The following RHD variants were observed in gnomAD, a reference collection of about 807,000 sequenced individuals.
RHD encodes the protein Rh blood group D antigen.
Under a neutral mutation model 45.5 loss-of-function variants are expected in RHD, and 16 were observed. The observed-to-expected ratio is 0.35, with a 90% CI of 0.24 to 0.53. The LOEUF is 0.53. Among genes scored for constraint, RHD ranks in the 20% least tolerant of loss-of-function variants. The pLI is 0.92. For synonymous variants in RHD, 131 were observed against 217.5 expected (o/e 0.60, Z 3.50); for missense variants, 306 against 532.0 (o/e 0.58, Z 4.18).
chr1:25,290,589 G>A lies in RHD; in HGVS notation c.336-52G>A, dbSNP rs528494492. 127 of 1,218,880 alleles carry A rather than the reference G, an allele frequency of 1.0e-4. 18 individuals are homozygous for A. The highest frequency in any genetic ancestry group is 9.9e-4 in the East Asian group (44 of 44,290). The allele number at this position is 1,218,880 out of a possible 1,614,324, so 75.5% of individuals were successfully genotyped here. On this transcript the variant is annotated intron_variant, in intron 2 of 9. Coordinates refer to ENST00000328664, the MANE Select transcript of RHD (RefSeq NM_016124.6). ...AATGAATGAATGAATGAATGAATGA[G>A]TGAGAGGCATCCTTCCTTCTCAGTC...
At chr1:25,311,524 C>G (rs1376068750) in intron 7 of RHD, among the ~76,000 whole-genome samples, 2 of 125,894 alleles carry the variant, frequency 1.6e-5, no homozygotes, top group East Asian at 4.0e-4. Flanking sequence ...AACTCCGTCT[C>G]AAAAAGAAAA....
At chr1:25,281,769 G>A (rs1454118639) in intron 1 of RHD, among the ~76,000 whole-genome samples, 2 of 131,576 alleles carry the variant, frequency 1.5e-5, no homozygotes, top group Admixed American at 7.4e-5. Context: ...TCTCACCCAC[G>A]CCCCAAATCC....
Position 25,301,506 on chromosome 1 carries a change from T to C in RHD, c.635-14T>C. Reference sequence around the variant, plus strand: ...GGAGTGTGATTCTGGCCAACCACCCTCTCTGGCCCCCAGGCGCCCTCTTCT... The same window carrying C: ...GGAGTGTGATTCTGGCCAACCACCCCCTCTGGCCCCCAGGCGCCCTCTTCT... On this transcript the variant is annotated splice_polypyrimidine_tract_variant and intron_variant, in intron 4 of 9. Coordinates refer to ENST00000328664, the MANE Select transcript of RHD (RefSeq NM_016124.6). 7.3e-7 allele frequency: 1 copy of C among 1,377,334 alleles called. No homozygotes were observed. The highest frequency in any genetic ancestry group is 1.8e-5 in the Admixed American group (1 of 56,186). The allele number at this position is 1,377,334 out of a possible 1,614,324, so 85.3% of individuals were successfully genotyped here. A position where few individuals can be genotyped will look rare whatever the true frequency, so the allele number is the denominator to read the frequency against.
intron 2 of RHD, among the ~76,000 whole-genome samples, chr1:25,285,621 G>T (rs1335555109): frequency 7.4e-6 from 1 of 135,196 alleles, no homozygotes; most frequent in Non-Finnish European, 1.8e-5. Flanking sequence ...GGCAGGAGGT[G>T]GATATTGATT....
chr1:25,276,526 C>G (rs1226908129), intron 1 of RHD, among the ~76,000 whole-genome samples: 1 of 35,924 alleles, frequency 2.8e-5, no homozygotes, highest in Admixed American at 3.2e-4. Flanking sequence ...GACCCCCCCC[C>G]ATCTCTAAAA....
intron 1 of RHD, among the ~76,000 whole-genome samples, chr1:25,278,619 A>T (rs971400884): frequency 1.5e-5 from 2 of 131,296 alleles, no homozygotes; most frequent in African/African-American, 5.2e-5. Context: ...ATCGCCTACC[A>T]GGCAGAGCTT....
intron 1 of RHD, among the ~76,000 whole-genome samples, chr1:25,280,811 A>G (rs1641431199): frequency 7.7e-6 from 1 of 130,570 alleles, no homozygotes; most frequent in African/African-American, 2.6e-5. Flanking sequence ...AGGTCTTGCT[A>G]TGTTGCCTAG....
intron 1 of RHD, among the ~76,000 whole-genome samples, chr1:25,273,424 G>A (rs1371936580): frequency 1.0e-5 from 1 of 100,202 alleles, no homozygotes; most frequent in Admixed American, 9.7e-5. Context: ...AATTACAGGC[G>A]TGAAGCACTG....
chr1:25,296,998 AT>A (rs1334380994), intron 3 of RHD, among the ~76,000 whole-genome samples: 1 of 131,934 alleles, frequency 7.6e-6, no homozygotes, highest in Non-Finnish European at 1.8e-5. Context: ...AGAAATTGAC[AT>A]TGATATATTA....
At chr1:25,311,420 G>C (rs1279054651) in intron 7 of RHD, among the ~76,000 whole-genome samples, 2 of 131,144 alleles carry the variant, frequency 1.5e-5, no homozygotes, top group African/African-American at 5.2e-5. Flanking sequence ...AGCTACCTGG[G>C]AGGCTGAGGC....
intron 7 of RHD, among the ~76,000 whole-genome samples, chr1:25,314,784 G>A (rs74761733): frequency 7.5e-6 from 1 of 132,482 alleles, no homozygotes; most frequent in South Asian, 2.3e-4. Context: ...GATTACAGGT[G>A]TGAGCCACCA....
intron 3 of RHD, among the ~76,000 whole-genome samples, chr1:25,300,369 A>T (rs1422765322): frequency 1.5e-5 from 2 of 130,622 alleles, no homozygotes; most frequent in African/African-American, 5.3e-5. Context: ...AAAATTGGCC[A>T]GGCATGGTTG....
At position 25,301,459 on chromosome 1, in the gene RHD, C is replaced by T. The variant is rs868799163; in HGVS notation, c.635-61C>T. 21 of 1,315,606 alleles carry T rather than the reference C, an allele frequency of 1.6e-5. 4 individuals are homozygous for T. In the Middle Eastern group the frequency reaches 8.2e-4, roughly 52 times the overall value. The allele number at this position is 1,315,606 out of a possible 1,614,324, so 81.5% of individuals were successfully genotyped here. On this transcript the variant is annotated intron_variant, in intron 4 of 9. Coordinates refer to ENST00000328664, the MANE Select transcript of RHD (RefSeq NM_016124.6). ...CCTAGGATTCTCATCCAAAACCCCTCGAGGCTCAGACCTTTGGAGCAGGAG... is the reference window on the plus strand; with the variant it reads ...CCTAGGATTCTCATCCAAAACCCCTTGAGGCTCAGACCTTTGGAGCAGGAG...
intron 2 of RHD, among the ~76,000 whole-genome samples, chr1:25,288,118 G>A (rs1401309602): frequency 7.6e-6 from 1 of 132,226 alleles, no homozygotes; most frequent in Non-Finnish European, 1.8e-5. Flanking sequence ...ACTGGGTTCA[G>A]GTGATCCTCC....
Position 25,303,559 on chromosome 1 carries a change from G to C in RHD, c.939+100G>C, listed in dbSNP as rs1486928035. Reference sequence around the variant, plus strand: ...TGCAGTGCACAGCTGCATTAGGCAGGTGTCGGCGCATTCTCTTATTGGCTT... The same window carrying C: ...TGCAGTGCACAGCTGCATTAGGCAGCTGTCGGCGCATTCTCTTATTGGCTT... On this transcript the variant is annotated intron_variant, in intron 6 of 9. Transcript: ENST00000328664. 7.7e-6 allele frequency: 9 copies of C among 1,174,562 alleles called. No individual in the cohort carries two copies. The Admixed American group carries it at 1.5e-4, about 20-fold the overall frequency. The allele number at this position is 1,174,562 out of a possible 1,614,324, so 72.8% of individuals were successfully genotyped here. A position where few individuals can be genotyped will look rare whatever the true frequency, so the allele number is the denominator to read the frequency against.
rs1644175891 is a variant in RHD at position 25,311,990 on chromosome 1, T to C, written c.1074-5010T>C. On this transcript the variant is annotated intron_variant, in intron 7 of 9. Transcript: ENST00000328664. ...TGGGGCCACCGCCAAGACCCCAGAA[T>C]GGTAGAGCTATCATAGTGCAATGCC... Among the ~76,000 whole-genome samples, 2 of 122,608 alleles carry C rather than the reference T, an allele frequency of 1.6e-5. 1 individual carries two copies. The highest frequency in any genetic ancestry group is 5.8e-5 in the African/African-American group (2 of 34,744). The allele number at this position is 122,608 out of a possible 152,430, so 80.4% of individuals were successfully genotyped here.
intron 7 of RHD, among the ~76,000 whole-genome samples, chr1:25,315,500 T>TC: frequency 8.2e-6 from 1 of 121,732 alleles, no homozygotes; most frequent in East Asian, 2.0e-4. Context: ...TTTCTTTCTT[T>TC]CTTTTTTTTT....
In RHD at chr1:25,307,731, T is replaced by C. The variant is rs1643924899; in HGVS notation, c.1073+1002T>C. The C allele has an allele frequency of 4.6e-6, 6 of 1,308,088 alleles. 1 individual carries two copies. The highest frequency in any genetic ancestry group is 3.8e-5 in the South Asian group (3 of 78,302). The allele number at this position is 1,308,088 out of a possible 1,614,324, so 81.0% of individuals were successfully genotyped here. A position where few individuals can be genotyped will look rare whatever the true frequency, so the allele number is the denominator to read the frequency against. On this transcript the variant is annotated intron_variant, in intron 7 of 9. Transcript: ENST00000328664. ...GTTTGGACGTGTCTCAGAGAAATCATGGAGGCGCTGCGGTTCCTACCGGTT... is the reference window on the plus strand; with the variant it reads ...GTTTGGACGTGTCTCAGAGAAATCACGGAGGCGCTGCGGTTCCTACCGGTT...
chr1:25,311,339 A>C lies in RHD; in HGVS notation c.1073+4610A>C, dbSNP rs1293217134. On this transcript the variant is annotated intron_variant, in intron 7 of 9. Coordinates refer to ENST00000328664, the MANE Select transcript of RHD (RefSeq NM_016124.6). ...CAGCTGAGAACACTGAGAGTGTGAC[A>C]CAACTACCGACTGATAAGAAAACTA... Among the ~76,000 whole-genome samples the C allele has an allele frequency of 2.3e-5, 3 of 131,550 alleles. 1 individual carries two copies. Among genetic ancestry groups the C allele is most frequent in the African/African-American group, 7.8e-5 (3 of 38,590 alleles). The allele number at this position is 131,550 out of a possible 152,430, so 86.3% of individuals were successfully genotyped here. A position where few individuals can be genotyped will look rare whatever the true frequency, so the allele number is the denominator to read the frequency against.
Sources: allele counts gnomAD v4.1 joint callset (sites outside exome capture counted in the v4.1 genomes callset), GRCh38; gene constraint gnomAD v4.1.1; transcripts MANE v1.5; gene names NCBI Gene and HGNC (gene_info 2026-07-23, HGNC 2026-07-21).